RBFOX3: variants seen among roughly 807,000 people sequenced by gnomAD.
The protein encoded by RBFOX3 is RNA binding protein fox-1 homolog 3.
In RBFOX3, 17 loss-of-function variants were observed where a neutral mutation model predicts 48.7. The ratio of observed to expected loss-of-function variants is 0.35; its 90% CI spans 0.24 to 0.52. The LOEUF (loss-of-function observed/expected upper bound fraction) is 0.52, where lower values mean the gene tolerates loss of function less well. Among genes scored for constraint, RBFOX3 ranks in the 20% least tolerant of loss-of-function variants. RBFOX3 has a pLI of 0.94. For synonymous variants in RBFOX3, 212 were observed against 209.5 expected (o/e 1.01, Z -0.10); for missense variants, 382 against 497.5 (o/e 0.77, Z 2.21).
intron 4 of RBFOX3, among the ~76,000 whole-genome samples, chr17:79,147,285 G>A (rs973669744): frequency 6.6e-6 from 1 of 152,248 alleles, no homozygotes; most frequent in Non-Finnish European, 1.5e-5. Context: ...CTCTGCAGGT[G>A]GCCGGGAGGA....
intron 1 of RBFOX3, among the ~76,000 whole-genome samples, chr17:79,506,019 C>T (rs1337987546): frequency 3.3e-5 from 5 of 152,038 alleles, no homozygotes; most frequent in African/African-American, 1.2e-4. Flanking sequence ...TTCCCTTACT[C>T]CCATATGCAC....
intron 5 of RBFOX3, among the ~76,000 whole-genome samples, chr17:79,114,197 G>C (rs1412317386): frequency 6.6e-6 from 1 of 152,186 alleles, no homozygotes; most frequent in Non-Finnish European, 1.5e-5. Flanking sequence ...GATCATCTCT[G>C]TCTTTTCTAA....
At chr17:79,315,188 T>C (rs8078752) in intron 2 of RBFOX3, among the ~76,000 whole-genome samples, 95,256 of 151,978 alleles carry the variant, frequency 0.63, 31,291 homozygotes, top group Non-Finnish European at 0.73. Context: ...ATGGATGACG[T>C]ACACGATGGA....
chr17:79,276,456 C>T (rs4531765), intron 3 of RBFOX3, among the ~76,000 whole-genome samples: 26,223 of 152,090 alleles, frequency 0.17, 2,541 homozygotes, highest in African/African-American at 0.25. Context: ...GAGGCTGAGG[C>T]GGGCGGATCA....
chr17:79,365,720 T>A (rs1384421020), intron 2 of RBFOX3, among the ~76,000 whole-genome samples: 1 of 152,224 alleles, frequency 6.6e-6, no homozygotes, highest in Non-Finnish European at 1.5e-5. Context: ...GTAGATTAAA[T>A]AGTTTTACCC....
intron 2 of RBFOX3, among the ~76,000 whole-genome samples, chr17:79,452,357 G>T (rs1008400876): frequency 1.3e-5 from 2 of 152,224 alleles, no homozygotes; most frequent in Non-Finnish European, 2.9e-5. Flanking sequence ...AAGGGAAGGC[G>T]GATGGGCATT....
chr17:79,321,460 C>A (rs751009089), intron 2 of RBFOX3, among the ~76,000 whole-genome samples: 2 of 152,224 alleles, frequency 1.3e-5, no homozygotes, highest in Non-Finnish European at 2.9e-5. Flanking sequence ...GACACAGAAG[C>A]CCTTCTGAGC....
At chr17:79,512,622 C>T (rs12451031) in intron 1 of RBFOX3, among the ~76,000 whole-genome samples, 16,047 of 105,246 alleles carry the variant, frequency 0.15, 2,387 homozygotes, top group Non-Finnish European at 0.23. Flanking sequence ...GACGCACACC[C>T]GGATACATGT....
rs368156380 is a variant in RBFOX3, at chr17:79,477,331, T to C, written c.-175+5123A>G. ...CAGCACTTTGGGAGGCCAAGGCAGG[T>C]GGATCACGAGGTCAGGAGATCGAGA... is the stretch of plus-strand genomic sequence containing the variant. On this transcript the variant is annotated intron_variant, in intron 2 of 14. Transcript: ENST00000693108. The surrounding 1 kb of genome is among the most constrained non-coding windows in gnomAD (Gnocchi z 4.8). 0.14 allele frequency among the ~76,000 whole-genome samples: 20,545 copies of C among 142,510 alleles called. 2,018 individuals carry two copies. Among genetic ancestry groups the C allele is most frequent in the East Asian group, 0.47 (2,261 of 4,792 alleles). 93.5% of individuals were successfully genotyped at this position (142,510 alleles called of 152,430 possible).
chr17:79,309,593 G>A (rs1180239541), intron 2 of RBFOX3, among the ~76,000 whole-genome samples: 4 of 152,176 alleles, frequency 2.6e-5, no homozygotes, highest in Non-Finnish European at 5.9e-5. Flanking sequence ...CCCATCACCT[G>A]CCGCATCTAC....
Position 79,482,018 on chromosome 17 carries a change from C to A in RBFOX3, c.-175+436G>T, listed in dbSNP as rs1475295269. Among the ~76,000 whole-genome samples, 5 of 152,132 alleles carry A rather than the reference C, an allele frequency of 3.3e-5. No homozygotes were observed. The highest frequency in any genetic ancestry group is 6.5e-5 in the Admixed American group (1 of 15,280). On this transcript the variant is annotated intron_variant, in intron 2 of 14. Transcript: ENST00000693108. The surrounding 1 kb of genome is among the most constrained non-coding windows in gnomAD (Gnocchi z 4.1). ...GGTGGGAACAGAGGCATCATGCCGT[C>A]CCCTCTAGAGCCACAGGAAGGCTTC...
At chr17:79,529,595 C>T (rs2087377924) in intron 1 of RBFOX3, among the ~76,000 whole-genome samples, 2 of 152,126 alleles carry the variant, frequency 1.3e-5, no homozygotes, top group Admixed American at 1.3e-4. Context: ...GCCGAGGCCC[C>T]AAGAGGGAAG....
At chr17:79,460,979 T>C (rs1057035022) in intron 2 of RBFOX3, among the ~76,000 whole-genome samples, 8 of 152,218 alleles carry the variant, frequency 5.3e-5, no homozygotes, top group Admixed American at 2.0e-4. Context: ...CTGTGTGCAG[T>C]TCCATGCTCA....
At chr17:79,664,538 G>A in the RBFOX3 span, among the ~76,000 whole-genome samples, 45 of 152,152 alleles carry the variant, frequency 3.0e-4, no homozygotes, top group Non-Finnish European at 5.3e-4. Flanking sequence ...AGTAGAGATG[G>A]GGTTTCACTA....
At chr17:79,291,303 C>T (rs535898736) in intron 3 of RBFOX3, among the ~76,000 whole-genome samples, 10 of 152,286 alleles carry the variant, frequency 6.6e-5, no homozygotes, top group South Asian at 4.1e-4. Flanking sequence ...GGGAAAAGAG[C>T]GAGAGCTCGC....
At chr17:79,522,689 G>A (rs1443360939) in intron 1 of RBFOX3, among the ~76,000 whole-genome samples, 1 of 151,994 alleles carries the variant, frequency 6.6e-6, no homozygotes, top group Non-Finnish European at 1.5e-5. Flanking sequence ...CAGCACTTTG[G>A]GATGCCAAAG....
chr17:79,535,627 G>A lies in RBFOX3; in HGVS notation c.-319-53029C>T, dbSNP rs2088587163. ...GCGGTCCTGGCCAGACCACATTCTG[G>A]GCGGACAAGGCAGGATAGCCAGCCC... On this transcript the variant is annotated intron_variant, in intron 1 of 14. Transcript: ENST00000693108. This position sits in a 1 kb window ranked among gnomAD's most constrained non-coding sequence, Gnocchi z 4.5. Among the ~76,000 whole-genome samples the A allele has an allele frequency of 6.6e-6, 1 of 152,188 alleles. No homozygotes were observed.
At chr17:79,384,922 CG>C (rs1344533632) in intron 2 of RBFOX3, among the ~76,000 whole-genome samples, 1 of 152,254 alleles carries the variant, frequency 6.6e-6, no homozygotes, top group Non-Finnish European at 1.5e-5. Context: ...AGCTACACGC[CG>C]GCTGCTGCCC....
At chr17:79,656,846 A>G in the RBFOX3 span, among the ~76,000 whole-genome samples, 1 of 145,726 alleles carries the variant, frequency 6.9e-6, no homozygotes. Flanking sequence ...AAGAAAGAAA[A>G]GAAAAGAAGG....
Sources: allele counts gnomAD v4.1 joint callset (sites outside exome capture counted in the v4.1 genomes callset), GRCh38; gene constraint gnomAD v4.1.1; non-coding constraint Gnocchi (gnomAD v3.1); transcripts MANE v1.5; gene names NCBI Gene and HGNC (gene_info 2026-07-23, HGNC 2026-07-21).